Variants in CAST observed in about 807,000 individuals in gnomAD.
CAST encodes calpastatin.
A neutral mutation model predicts 119.6 loss-of-function variants in CAST; 76 were observed. That is an observed-to-expected ratio of 0.64 (90% CI 0.53 to 0.77). The LOEUF (loss-of-function observed/expected upper bound fraction) is 0.77, where lower values mean the gene tolerates loss of function less well. Among genes scored for constraint, CAST ranks in the 30% least tolerant of loss-of-function variants. CAST has a pLI of 0.00. For missense variants in CAST, 953 were observed against 946.5 expected (o/e 1.01, Z -0.09); for synonymous variants, 319 against 331.6 (o/e 0.96, Z 0.41).
the CAST span, among the ~76,000 whole-genome samples, chr5:96,103,473 A>G: frequency 1.3e-5 from 2 of 150,460 alleles, no homozygotes; most frequent in South Asian, 2.1e-4. Flanking sequence ...TTCTTGCGAT[A>G]GTTTACTGAG....
chr5:96,531,521 C>T (rs965983917), intron 1 of CAST, among the ~76,000 whole-genome samples: 32 of 152,324 alleles, frequency 2.1e-4, no homozygotes, highest in Non-Finnish European at 4.0e-4. Context: ...CTAAGAAGCA[C>T]TTTAATGTAA....
the CAST span, among the ~76,000 whole-genome samples, chr5:96,125,144 G>A: frequency 1.3e-5 from 2 of 152,114 alleles, no homozygotes; most frequent in African/African-American, 2.4e-5. Context: ...ATTATTCTAA[G>A]CCTGTTATTT....
At chr5:96,566,904 T>G (rs188553198) in intron 1 of CAST, among the ~76,000 whole-genome samples, 8 of 152,164 alleles carry the variant, frequency 5.3e-5, no homozygotes, top group Non-Finnish European at 1.0e-4. Context: ...TTACTTATGT[T>G]TTAGTTTCGT....
the CAST span, among the ~76,000 whole-genome samples, chr5:96,340,568 T>C: frequency 6.6e-6 from 1 of 152,206 alleles, no homozygotes; most frequent in African/African-American, 2.4e-5. Flanking sequence ...GTGATGTGTT[T>C]GTTCACTCCG....
intron 1 of CAST, among the ~76,000 whole-genome samples, chr5:96,639,563 C>T (rs558647474): frequency 4.6e-5 from 7 of 152,300 alleles, no homozygotes; most frequent in Admixed American, 2.6e-4. Context: ...AAGTCAATGG[C>T]ACCTGAACAG....
chr5:96,315,010 G>A, the CAST span, among the ~76,000 whole-genome samples: 1 of 152,190 alleles, frequency 6.6e-6, no homozygotes, highest in Admixed American at 6.5e-5. Flanking sequence ...GCAAAGTGGT[G>A]ATCATAAGAT....
At chr5:96,598,726 G>C (rs1469074468) in intron 1 of CAST, among the ~76,000 whole-genome samples, 1 of 152,178 alleles carries the variant, frequency 6.6e-6, no homozygotes, top group Non-Finnish European at 1.5e-5. Context: ...TTCTGGGTGA[G>C]ATTAACATTT....
intron 29 of CAST, chr5:96,769,250 A>G (rs890316031): frequency 6.6e-6 from 1 of 152,164 alleles, no homozygotes. Flanking sequence ...CCACTTCAGC[A>G]TCCTATCTCT....
In CAST at chr5:96,770,538, G is replaced by T; in HGVS notation, c.2276G>T (p.Cys759Phe). 6.2e-7 allele frequency: 1 copy of T among 1,611,840 alleles called. No individual in the cohort carries two copies. The highest frequency in any genetic ancestry group is 1.1e-5 in the South Asian group (1 of 91,012). Residue 759 changes from cysteine (C) to phenylalanine (F), a missense_variant, in exon 30 of 32, where the codon TGC (cysteine) becomes TTC (phenylalanine). Transcript: ENST00000675179. ...ACATTTCCTTTGCTTTAGGATAAGT[G>T]CAAGAAGGCTGCTTCCAGCTCCAAA... Reference protein sequence around the residue: ...ETSQNTAKDKCKKAASSSKAP... With the variant: ...ETSQNTAKDKFKKAASSSKAP...
At chr5:96,626,809 C>T (rs184832483) in intron 1 of CAST, among the ~76,000 whole-genome samples, 159 of 152,286 alleles carry the variant, frequency 1.0e-3, no homozygotes, top group African/African-American at 3.7e-3. Flanking sequence ...CTTCCATCGC[C>T]GAGGCCTGGG....
At chr5:96,094,362 C>G in the CAST span, among the ~76,000 whole-genome samples, 1 of 151,524 alleles carries the variant, frequency 6.6e-6, no homozygotes, top group Non-Finnish European at 1.5e-5. Flanking sequence ...CACTAGGAGA[C>G]TGATGAAATT....
At chr5:96,121,388 C>G in the CAST span, among the ~76,000 whole-genome samples, 3 of 151,768 alleles carry the variant, frequency 2.0e-5, no homozygotes, top group African/African-American at 7.3e-5. Context: ...TCTTCAGGAT[C>G]TAATCCTTTC....
At chr5:96,318,697 C>T in the CAST span, 1 of 152,138 alleles carries the variant, frequency 6.6e-6, no homozygotes, top group Non-Finnish European at 1.5e-5. Flanking sequence ...CAATGTCCCC[C>T]TTGCATGATG....
chr5:96,108,819 C>T, the CAST span, among the ~76,000 whole-genome samples: 5 of 152,278 alleles, frequency 3.3e-5, no homozygotes, highest in Admixed American at 2.6e-4. Flanking sequence ...GCCCCTCCCC[C>T]AGCCTTGCTG....
the CAST span, among the ~76,000 whole-genome samples, chr5:96,491,208 G>A: frequency 4.6e-5 from 7 of 152,036 alleles, no homozygotes; most frequent in East Asian, 1.2e-3. Context: ...AGACCAGGCC[G>A]GGCACGGTGG....
At chr5:96,184,465 A>G in the CAST span, among the ~76,000 whole-genome samples, 3 of 152,136 alleles carry the variant, frequency 2.0e-5, no homozygotes, top group Non-Finnish European at 4.4e-5. Flanking sequence ...TCACCTAGGT[A>G]TGAAGCCCAG....
the CAST span, among the ~76,000 whole-genome samples, chr5:96,158,373 T>G: frequency 1.3e-5 from 2 of 152,218 alleles, no homozygotes; most frequent in Non-Finnish European, 2.9e-5. Context: ...TTTAGCCATC[T>G]GAAATGCTAG....
the CAST span, among the ~76,000 whole-genome samples, chr5:96,202,098 T>TTGTA: frequency 6.6e-6 from 1 of 152,104 alleles, no homozygotes; most frequent in African/African-American, 2.4e-5. Context: ...GACATTCATT[T>TTGTA]TGTATGTAAA....
chr5:96,156,798 C>T, the CAST span, among the ~76,000 whole-genome samples: 2 of 152,118 alleles, frequency 1.3e-5, no homozygotes, highest in South Asian at 2.1e-4. Flanking sequence ...TAAAGTTTCT[C>T]GGATATCTTT....
Sources: gnomAD v4.1 joint callset for allele counts (sites outside exome capture counted in the v4.1 genomes callset) on GRCh38, gnomAD v4.1.1 for gene constraint, MANE v1.5 for transcripts, NCBI Gene and HGNC (gene_info 2026-07-23, HGNC 2026-07-21) for gene names.